Variants in ATP8B4 observed in about 807,000 individuals in gnomAD.
The protein encoded by ATP8B4 is ATPase phospholipid transporting 8B4 (putative), also known as probable phospholipid-transporting ATPase IM.
In ATP8B4, 133 loss-of-function variants were observed where a neutral mutation model predicts 145.6. The ratio of observed to expected loss-of-function variants is 0.91; its 90% CI spans 0.79 to 1.05. The LOEUF (loss-of-function observed/expected upper bound fraction) is 1.05. ATP8B4 is among the 50% of genes least tolerant of loss of function. ATP8B4 has a pLI of 0.00. For synonymous variants in ATP8B4, 507 were observed against 492.9 expected (o/e 1.03, Z -0.38); for missense variants, 1,458 against 1,425.2 (o/e 1.02, Z -0.37).
At chr15:50,160,704 ATTTCTT>A (rs1342008226) in intron 1 of ATP8B4, among the ~76,000 whole-genome samples, 2 of 150,844 alleles carry the variant, frequency 1.3e-5, no homozygotes, top group East Asian at 3.9e-4. Flanking sequence ...CTTGTTACTG[ATTTCTT>A]TTTTATTCTG....
At chr15:50,130,526 C>T (rs1015878529) in intron 1 of ATP8B4, among the ~76,000 whole-genome samples, 4 of 151,960 alleles carry the variant, frequency 2.6e-5, no homozygotes, top group Admixed American at 6.6e-5. Context: ...CCTGTAATCC[C>T]GGCAGTTTGG....
chr15:50,179,599 C>A (rs1259697019), intron 1 of ATP8B4, among the ~76,000 whole-genome samples: 2 of 151,970 alleles, frequency 1.3e-5, no homozygotes, highest in Admixed American at 1.3e-4. Context: ...TCCTAACCCT[C>A]AATGTGATGG....
At chr15:50,061,013 G>A (rs1318494562) in intron 3 of ATP8B4, among the ~76,000 whole-genome samples, 3 of 152,156 alleles carry the variant, frequency 2.0e-5, no homozygotes, top group African/African-American at 7.2e-5. Context: ...TAGAGACTAT[G>A]AACTTTAGGA....
chr15:50,125,424 A>C (rs1318086415), intron 1 of ATP8B4, among the ~76,000 whole-genome samples: 1 of 152,190 alleles, frequency 6.6e-6, no homozygotes, highest in African/African-American at 2.4e-5. Context: ...GTAGGGTCCA[A>C]GATCAAAGGA....
intron 6 of ATP8B4, among the ~76,000 whole-genome samples, chr15:50,029,130 G>A (rs2050226796): frequency 6.6e-6 from 1 of 150,660 alleles, no homozygotes; most frequent in African/African-American, 2.5e-5. Context: ...CTACTCGGGA[G>A]GCCGAGGCAA....
At position 49,960,862 on chromosome 15, in the gene ATP8B4, G is replaced by A. The variant is rs1261157800; in HGVS notation, c.1287+1115C>T. On this transcript the variant is annotated intron_variant, in intron 14 of 27. Transcript: ENST00000284509. ...AATTATGAACCAGAGGCCGGGCGCA[G>A]TGGCTCACGCCTGTAATCCCAGCAC... Among the ~76,000 whole-genome samples, 3 of 152,254 alleles carry A rather than the reference G, an allele frequency of 2.0e-5. No homozygotes were observed. In the East Asian group the frequency reaches 5.8e-4, roughly 29 times the overall value.
intron 14 of ATP8B4, among the ~76,000 whole-genome samples, chr15:49,954,450 T>C (rs559531152): frequency 9.2e-5 from 14 of 152,234 alleles, no homozygotes; most frequent in African/African-American, 3.1e-4. Flanking sequence ...AAAGACTTAA[T>C]ATCGAGAATT....
chr15:50,179,782 T>C (rs1462566792), intron 1 of ATP8B4, among the ~76,000 whole-genome samples: 1 of 152,148 alleles, frequency 6.6e-6, no homozygotes, highest in Non-Finnish European at 1.5e-5. Context: ...AAACACCACA[T>C]CTGCTGGCAC....
At chr15:49,918,512 T>C (rs560558100) in intron 19 of ATP8B4, among the ~76,000 whole-genome samples, 3 of 152,308 alleles carry the variant, frequency 2.0e-5, no homozygotes, top group African/African-American at 7.2e-5. Flanking sequence ...CCAATATCTG[T>C]CCTGACTGGG....
chr15:49,972,550 T>C, intron 13 of ATP8B4, 32 bp downstream of exon 13: 1 of 1,581,256 alleles, frequency 6.3e-7, no homozygotes, highest in African/African-American at 1.4e-5. Context: ...TTGTTAACAA[T>C]ATCGTTAAGA....
rs577170146 is a variant in ATP8B4 at position 49,968,741 on chromosome 15, C to A, written c.1243+3841G>T. 2.6e-5 allele frequency among the ~76,000 whole-genome samples: 4 copies of A among 152,280 alleles called. No homozygotes were observed. The South Asian group carries it at 8.3e-4, about 32-fold the overall frequency. ...GAGACAGAAAATTAACAAGGATATT[C>A]AGCACTTGAACTCAACTCTGGACCA... is the stretch of plus-strand genomic sequence containing the variant. On this transcript the variant is annotated intron_variant, in intron 13 of 27. Transcript: ENST00000284509.
chr15:49,971,220 C>A (rs1751088108), intron 13 of ATP8B4, among the ~76,000 whole-genome samples: 1 of 152,168 alleles, frequency 6.6e-6, no homozygotes, highest in Non-Finnish European at 1.5e-5. Flanking sequence ...GCAAAGACTT[C>A]ATGACTAAAA....
intron 1 of ATP8B4, among the ~76,000 whole-genome samples, chr15:50,181,104 G>T (rs2044840879): frequency 6.6e-6 from 1 of 152,182 alleles, no homozygotes; most frequent in Non-Finnish European, 1.5e-5. Context: ...GAGCATGAAA[G>T]TGCCACCTGT....
rs1274957295 is a variant in ATP8B4, at chr15:49,961,966, C to T, written c.1287+11G>A. ...ATTAAAACTAAGAATAAAATTTTAT[C>T]ACTTCCACACCTGAGTTATTTCTGT... On this transcript the variant is annotated intron_variant, in intron 14 of 27. Transcript: ENST00000284509. 3 of 1,578,224 alleles carry T rather than the reference C, an allele frequency of 1.9e-6. No individual in the cohort carries two copies. The highest frequency in any genetic ancestry group is 2.6e-6 in the Non-Finnish European group (3 of 1,166,332).
chr15:49,931,816 T>C (rs1301230994), intron 15 of ATP8B4, among the ~76,000 whole-genome samples: 3 of 151,990 alleles, frequency 2.0e-5, no homozygotes, highest in African/African-American at 7.2e-5. Context: ...CTCCAAATTC[T>C]ACTTCAGTCT....
intron 1 of ATP8B4, among the ~76,000 whole-genome samples, chr15:50,144,100 G>A (rs1165784976): frequency 6.6e-6 from 1 of 152,172 alleles, no homozygotes; most frequent in Non-Finnish European, 1.5e-5. Flanking sequence ...AAACATACTA[G>A]GTCAGGGTTG....
intron 13 of ATP8B4, among the ~76,000 whole-genome samples, chr15:49,970,183 C>G (rs1816791726): frequency 6.6e-6 from 1 of 152,148 alleles, no homozygotes; most frequent in African/African-American, 2.4e-5. Context: ...TGGGCAAAAG[C>G]TGGAAGCATT....
chr15:50,039,137 A>T (rs2153600679), intron 5 of ATP8B4, among the ~76,000 whole-genome samples: 1 of 152,364 alleles, frequency 6.6e-6, no homozygotes, highest in African/African-American at 2.4e-5. Context: ...AGTCTCAGAG[A>T]AAACCATGTA....
chr15:50,108,340 A>G (rs1174665751), intron 1 of ATP8B4, among the ~76,000 whole-genome samples: 1 of 152,110 alleles, frequency 6.6e-6, no homozygotes, highest in Non-Finnish European at 1.5e-5. Flanking sequence ...TCAAAGCCAG[A>G]GTTATCATTA....
Sources: allele counts gnomAD v4.1 joint callset (sites outside exome capture counted in the v4.1 genomes callset), GRCh38; gene constraint gnomAD v4.1.1; transcripts MANE v1.5; gene names NCBI Gene and HGNC (gene_info 2026-07-23, HGNC 2026-07-21).